Variants in ANXA3 observed in about 807,000 individuals in gnomAD.
The protein encoded by ANXA3 is 35-alpha calcimedin.
In ANXA3, 46 loss-of-function variants were observed where a neutral mutation model predicts 48.8. The ratio of observed to expected loss-of-function variants is 0.94; its 90% CI spans 0.74 to 1.21. The LOEUF (loss-of-function observed/expected upper bound fraction) is 1.21, where lower values mean the gene tolerates loss of function less well. ANXA3 is among the 50% of genes most tolerant of loss of function. ANXA3 has a pLI of 0.00. For synonymous variants in ANXA3, 128 were observed against 134.7 expected, an observed-to-expected ratio of 0.95 and a Z score of 0.35; for missense variants, 383 against 378.6, an observed-to-expected ratio of 1.01 and a Z score of -0.10.
intron 4 of ANXA3, 24 bp downstream of exon 4, chr4:78,579,145 G>A (rs1252409697): frequency 6.0e-6 from 9 of 1,510,254 alleles, no homozygotes; most frequent in South Asian, 2.3e-5. Flanking sequence ...AACATGACAG[G>A]CAGTAAAGAG....
chr4:78,588,480 C>G (rs991862482), intron 6 of ANXA3, among the ~76,000 whole-genome samples: 7 of 152,162 alleles, frequency 4.6e-5, no homozygotes, highest in African/African-American at 1.7e-4. Context: ...TATAACCCCC[C>G]AGACCTGAGA....
intron 2 of ANXA3, among the ~76,000 whole-genome samples, chr4:78,563,880 G>A (rs994136995): frequency 5.3e-5 from 8 of 152,248 alleles, no homozygotes; most frequent in African/African-American, 1.7e-4. Context: ...GTCTCCCGCA[G>A]AAGTTACACA....
intron 2 of ANXA3, among the ~76,000 whole-genome samples, chr4:78,563,215 AT>A (rs1722659937): frequency 6.6e-6 from 1 of 152,208 alleles, no homozygotes; most frequent in Non-Finnish European, 1.5e-5. Context: ...AGTAGACATC[AT>A]TTACCTTGGC....
intron 2 of ANXA3, among the ~76,000 whole-genome samples, chr4:78,555,717 G>A (rs1171941530): frequency 2.0e-5 from 3 of 151,686 alleles, no homozygotes; most frequent in Non-Finnish European, 2.9e-5. Context: ...TGAACGTTGT[G>A]GGGTGTACCC....
At chr4:78,606,312 G>A (rs1723644042) in intron 12 of ANXA3, among the ~76,000 whole-genome samples, 1 of 152,218 alleles carries the variant, frequency 6.6e-6, no homozygotes, top group Non-Finnish European at 1.5e-5. Context: ...CAGCAGCCAA[G>A]CAGAGTGTTT....
intron 12 of ANXA3, 31 bp downstream of exon 12, chr4:78,604,430 A>ATTTT (rs201720405): frequency 0.054 from 85,638 of 1,591,186 alleles, 2,587 homozygotes; most frequent in African/African-American, 0.088. Context: ...AGCAAAACAT[A>ATTTT]TTTTGCCCTT....
rs1722874387 is a variant in ANXA3, at chr4:78,573,172, C to T, written c.16-8C>T. 14 of 1,600,068 alleles carry T rather than the reference C, an allele frequency of 8.7e-6. No homozygotes were observed. Among genetic ancestry groups the T allele is most frequent in the Non-Finnish European group, 1.2e-5 (14 of 1,167,652 alleles). On this transcript the variant is annotated splice_polypyrimidine_tract_variant and splice_region_variant and intron_variant, in intron 2 of 12. Transcript: ENST00000264908. ...GAACCAATGGGACTTTCAAGTATTT[C>T]CTTCTAGGTTGGACACCGAGGAACA...
chr4:78,599,160 C>T (rs6848305), intron 10 of ANXA3, among the ~76,000 whole-genome samples: 19,672 of 152,152 alleles, frequency 0.13, 4,167 homozygotes, highest in African/African-American at 0.44. Flanking sequence ...AGTTCACCCA[C>T]TCAAAGTGTG....
rs546260131 is a variant in ANXA3 at position 78,564,781 on chromosome 4, C to G, written c.16-8399C>G. On this transcript the variant is annotated intron_variant, in intron 2 of 12. Transcript: ENST00000264908. ...TCCAGTTAGAGAGAACAACACAAACCAAGGCATTAAGGTGGGAAAGAGTTC... is the reference window on the plus strand; with the variant it reads ...TCCAGTTAGAGAGAACAACACAAACGAAGGCATTAAGGTGGGAAAGAGTTC... 1.2e-4 allele frequency among the ~76,000 whole-genome samples: 18 copies of G among 152,136 alleles called. No individual in the cohort carries two copies. The South Asian group carries it at 3.7e-3, about 32-fold the overall frequency.
chr4:78,563,186 T>C (rs972598148), intron 2 of ANXA3, among the ~76,000 whole-genome samples: 6 of 152,200 alleles, frequency 3.9e-5, no homozygotes, highest in Admixed American at 1.3e-4. Flanking sequence ...CATAAAATAA[T>C]GCATTTACCA....
intron 2 of ANXA3, among the ~76,000 whole-genome samples, chr4:78,559,966 G>C (rs1578390145): frequency 6.6e-6 from 1 of 152,100 alleles, no homozygotes; most frequent in Admixed American, 6.6e-5. Flanking sequence ...CGCTGCAACT[G>C]TTTTTGTAGA....
At chr4:78,603,658 T>C (rs1723590047) in intron 11 of ANXA3, 1 of 152,228 alleles carries the variant, frequency 6.6e-6, no homozygotes, top group Non-Finnish European at 1.5e-5. Context: ...AACATTCTCA[T>C]GTTTAAAATA....
chr4:78,589,662 C>A (rs1229111107), intron 6 of ANXA3, among the ~76,000 whole-genome samples: 2 of 152,076 alleles, frequency 1.3e-5, no homozygotes, highest in Admixed American at 1.3e-4. Context: ...CTACTGTTTT[C>A]TTCATTATTT....
intron 10 of ANXA3, among the ~76,000 whole-genome samples, chr4:78,600,631 A>T (rs1184564479): frequency 3.3e-5 from 5 of 152,226 alleles, no homozygotes; most frequent in Non-Finnish European, 7.3e-5. Context: ...TCAAAAAGCC[A>T]AAAGTCTTTT....
intron 4 of ANXA3, 47 bp downstream of exon 4, chr4:78,579,168 C>G (rs746644181): frequency 7.5e-7 from 1 of 1,334,694 alleles, no homozygotes; most frequent in South Asian, 1.2e-5. Context: ...CATTAATGTA[C>G]CATGGTCGCT....
At chr4:78,559,512 T>A (rs182848747) in intron 2 of ANXA3, among the ~76,000 whole-genome samples, 2 of 152,336 alleles carry the variant, frequency 1.3e-5, no homozygotes, top group East Asian at 3.9e-4. Context: ...AAAGGGAATA[T>A]AGAGCTACTC....
At chr4:78,578,292 AGAGAGC>A (rs1182949176) in intron 3 of ANXA3, among the ~76,000 whole-genome samples, 1 of 90,138 alleles carries the variant, frequency 1.1e-5, no homozygotes. Flanking sequence ...AAGGGGAGAG[AGAGAGC>A]GAGAGAGAGA....
chr4:78,559,026 A>G, intron 2 of ANXA3, among the ~76,000 whole-genome samples: 1 of 152,176 alleles, frequency 6.6e-6, no homozygotes, highest in East Asian at 1.9e-4. Flanking sequence ...TGTAATTCCT[A>G]TTAGTTTGAA....
At chr4:78,576,601 T>C (rs770848323) in intron 3 of ANXA3, among the ~76,000 whole-genome samples, 25 of 152,328 alleles carry the variant, frequency 1.6e-4, no homozygotes, top group Middle Eastern at 3.4e-3. Flanking sequence ...CCAGCCTGAT[T>C]GCCCTATTTA....
Sources: allele counts gnomAD v4.1 joint callset (sites outside exome capture counted in the v4.1 genomes callset), GRCh38; gene constraint gnomAD v4.1.1; transcripts MANE v1.5; gene names NCBI Gene and HGNC (gene_info 2026-07-23, HGNC 2026-07-21).